The following GPATCH1 variants were observed in gnomAD, a reference collection of about 807,000 sequenced individuals.
GPATCH1 encodes G patch domain-containing protein 1.
A neutral mutation model predicts 114.9 loss-of-function variants in GPATCH1; 73 were observed. That is an observed-to-expected ratio of 0.64 (90% CI 0.53 to 0.77). The LOEUF is 0.77. GPATCH1 is among the 30% of genes least tolerant of loss of function. GPATCH1 has a pLI of 0.00. For synonymous variants in GPATCH1, 391 were observed against 428.4 expected, an observed-to-expected ratio of 0.91 and a Z score of 1.08; for missense variants, 1,058 against 1,144.3, an observed-to-expected ratio of 0.92 and a Z score of 1.09.
At chr19:33,126,891 A>G (rs1973048004) in intron 19 of GPATCH1, among the ~76,000 whole-genome samples, 158 bp downstream of exon 19, 1 of 151,456 alleles carries the variant, frequency 6.6e-6, no homozygotes, top group African/African-American at 2.4e-5. Flanking sequence ...CTGAGGCAGG[A>G]GGATCGCTTG....
chr19:33,117,787 C>A (rs1599864625), intron 15 of GPATCH1, 38 bp from the exon 16 acceptor site: 2 of 1,437,402 alleles, frequency 1.4e-6, no homozygotes, highest in East Asian at 2.3e-5. Flanking sequence ...TTTACCCTTG[C>A]CTCTGTATCC....
intron 10 of GPATCH1, among the ~76,000 whole-genome samples, chr19:33,108,754 C>T (rs999720129): frequency 6.6e-6 from 1 of 152,150 alleles, no homozygotes; most frequent in African/African-American, 2.4e-5. Context: ...AGAGCTGGCA[C>T]TCATGAGTGT....
intron 2 of GPATCH1, among the ~76,000 whole-genome samples, chr19:33,090,288 G>A (rs550296388): frequency 1.1e-3 from 165 of 152,298 alleles, no homozygotes; most frequent in Non-Finnish European, 2.1e-3. Context: ...AGGGTACTGT[G>A]AATGTTGCCT....
At chr19:33,084,261 T>A (rs1972511440) in intron 1 of GPATCH1, among the ~76,000 whole-genome samples, 1 of 152,200 alleles carries the variant, frequency 6.6e-6, no homozygotes, top group Non-Finnish European at 1.5e-5. Context: ...TAATTAAAGT[T>A]GCTGGCCCTG....
At chr19:33,112,770 A>G (rs1972871987) in intron 13 of GPATCH1, 157 bp downstream of exon 13, 1 of 525,124 alleles carries the variant, frequency 1.9e-6, no homozygotes, top group Non-Finnish European at 3.2e-6. Context: ...ATTTGCTTTG[A>G]TAAATTACTT....
intron 17 of GPATCH1, among the ~76,000 whole-genome samples, chr19:33,119,637 G>A (rs2145336140): frequency 6.6e-6 from 1 of 151,426 alleles, no homozygotes; most frequent in African/African-American, 2.4e-5. Context: ...GGTGGAGGTT[G>A]CAGTGAGCCG....
At chr19:33,109,521 A>G (rs1008836168) in intron 10 of GPATCH1, among the ~76,000 whole-genome samples, 196 bp from the exon 11 acceptor site, 32 of 152,118 alleles carry the variant, frequency 2.1e-4, no homozygotes, top group Admixed American at 7.2e-4. Context: ...TAAAATAATA[A>G]TAATAATAAG....
chr19:33,111,485 A>T (rs550891347), intron 11 of GPATCH1, among the ~76,000 whole-genome samples: 14 of 151,866 alleles, frequency 9.2e-5, no homozygotes, highest in Non-Finnish European at 1.5e-4. Context: ...TCGGCCTCCC[A>T]AAGTGCTGGG....
chr19:33,083,091 A>T (rs1300443625), intron 1 of GPATCH1, among the ~76,000 whole-genome samples: 1 of 140,624 alleles, frequency 7.1e-6, no homozygotes, highest in African/African-American at 2.8e-5. Flanking sequence ...ACAAAAAAAA[A>T]TTAGCTGGGC....
intron 1 of GPATCH1, 135 bp downstream of exon 1, chr19:33,081,401 G>C: frequency 1.3e-6 from 1 of 772,698 alleles, no homozygotes; most frequent in Non-Finnish European, 2.1e-6. Context: ...CGAGGGAGGC[G>C]TTAGCCGCGC....
Position 33,114,475 on chromosome 19 carries a change from C to T in GPATCH1, c.2196+56C>T, listed in dbSNP as rs188069360. 2.6e-4 allele frequency: 349 copies of T among 1,357,266 alleles called. 2 individuals carry two copies. In the African/African-American group the frequency reaches 4.6e-3, roughly 18 times the overall value. The allele number at this position is 1,357,266 out of a possible 1,614,324, so 84.1% of individuals were successfully genotyped here. A position where few individuals can be genotyped will look rare whatever the true frequency, so the allele number is the denominator to read the frequency against. ...CGCTGAGTGTGGCCCTTGCTTTTCTCTTTGGTGACACTTTCTCCTCGTGAC... is the reference window on the plus strand; with the variant it reads ...CGCTGAGTGTGGCCCTTGCTTTTCTTTTTGGTGACACTTTCTCCTCGTGAC... On this transcript the variant is annotated intron_variant, in intron 15 of 19. Transcript: ENST00000170564.
chr19:33,121,046 A>C (rs1972978087), intron 17 of GPATCH1, among the ~76,000 whole-genome samples: 1 of 151,754 alleles, frequency 6.6e-6, no homozygotes, highest in Non-Finnish European at 1.5e-5. Flanking sequence ...AGAGAAATTA[A>C]AAAAATAGTA....
intron 12 of GPATCH1, 117 bp from the exon 13 acceptor site, chr19:33,112,369 T>C: frequency 8.8e-7 from 1 of 1,136,022 alleles, no homozygotes; most frequent in South Asian, 1.4e-5. Flanking sequence ...GGAGCATAAA[T>C]GTTATAGCAC....
chr19:33,095,588 G>A (rs567403726), intron 5 of GPATCH1, among the ~76,000 whole-genome samples, 174 bp from the exon 6 acceptor site: 1 of 151,632 alleles, frequency 6.6e-6, no homozygotes, highest in East Asian at 2.0e-4. Flanking sequence ...TTTTTGTGGA[G>A]GCGGAATCTC....
chr19:33,103,335 C>T (rs1022841916), intron 9 of GPATCH1, among the ~76,000 whole-genome samples: 3 of 152,122 alleles, frequency 2.0e-5, no homozygotes, highest in African/African-American at 7.2e-5. Flanking sequence ...GTCGGGCATA[C>T]AGTAAGCTGC....
At chr19:33,129,561 T>C (rs1366463439) in intron 19 of GPATCH1, among the ~76,000 whole-genome samples, 2 of 152,012 alleles carry the variant, frequency 1.3e-5, no homozygotes, top group East Asian at 1.9e-4. Context: ...TAAATAAGAC[T>C]AGGGAAAAAA....
chr19:33,111,959 C>A, intron 12 of GPATCH1, 57 bp downstream of exon 12: 2 of 1,360,234 alleles, frequency 1.5e-6, no homozygotes, highest in South Asian at 1.2e-5. Flanking sequence ...CACTGCCTAG[C>A]CAAAATAGTT....
At chr19:33,084,671 T>G (rs540853840) in intron 1 of GPATCH1, among the ~76,000 whole-genome samples, 1 of 151,502 alleles carries the variant, frequency 6.6e-6, no homozygotes, top group Non-Finnish European at 1.5e-5. Context: ...TTTTTTCTTT[T>G]TTTTTTTGAG....
intron 3 of GPATCH1, 104 bp downstream of exon 3, chr19:33,090,969 CTT>C: frequency 1.4e-6 from 1 of 705,576 alleles, no homozygotes; most frequent in Middle Eastern, 2.4e-4. Context: ...ACGATTTCCT[CTT>C]TGTTTGTAAG....
Sources: allele counts gnomAD v4.1 joint callset (sites outside exome capture counted in the v4.1 genomes callset), GRCh38; gene constraint gnomAD v4.1.1; transcripts MANE v1.5; gene names NCBI Gene and HGNC (gene_info 2026-07-23, HGNC 2026-07-21).